DMD: variants seen among roughly 807,000 people sequenced by gnomAD.
DMD encodes dystrophin.
Under a neutral mutation model 330.1 loss-of-function variants are expected in DMD, and 63 were observed. The ratio of observed to expected loss-of-function variants is 0.19; its 90% CI spans 0.16 to 0.24. DMD has a LOEUF of 0.24. Among genes scored for constraint, DMD ranks in the 10% least tolerant of loss-of-function variants. The probability of loss-of-function intolerance (pLI) is 1.00; values close to 1 mark genes in which losing one functional copy is unlikely to be tolerated. For missense variants in DMD, 3,344 were observed against 2,684.1 expected, an observed-to-expected ratio of 1.25 and a Z score of -5.43; for synonymous variants, 1,223 against 959.8, an observed-to-expected ratio of 1.27 and a Z score of -5.07.
intron 51 of DMD, among the ~76,000 whole-genome samples, chrX:31,747,751 T>A (rs1211884771): frequency 8.9e-6 from 1 of 112,184 alleles, no homozygotes; most frequent in African/African-American, 3.2e-5. Context: ...GTACAATCAA[T>A]TCTTAAGTGG....
At position 32,463,527 on chromosome X, in the gene DMD, A is replaced by G. The variant is rs748123444; in HGVS notation, c.3344T>C (p.Ile1115Thr). 18 of 1,201,721 alleles carry G rather than the reference A, an allele frequency of 1.5e-5. No homozygotes were observed. Among genetic ancestry groups the G allele is most frequent in the Non-Finnish European group, 1.9e-5 (17 of 890,422 alleles). Residue 1115 changes from isoleucine (I) to threonine (T), a missense_variant, in exon 25 of 79, where the codon ATA (isoleucine) becomes ACA (threonine). Physicochemically the swap from Ile to Thr is moderately conservative, Grantham distance 89. Coordinates refer to ENST00000357033, the MANE Select transcript of DMD (RefSeq NM_004006.3). ...AAACTCTGGCTCTGCTTCATTCTTT[A>G]TCTTCTGCCCACCTTCATTGACACT... ...LNSVNEGGQK[I>T]KNEAEPEFAS...
chrX:31,660,645 T>A (rs755446872), intron 53 of DMD, among the ~76,000 whole-genome samples: 1 of 111,662 alleles, frequency 9.0e-6, no homozygotes, highest in East Asian at 2.8e-4. Context: ...AAAATACTTA[T>A]GATGGACCAG....
In DMD at chrX:32,903,081, C is replaced by T. The variant is rs776692452; in HGVS notation, c.94-53261G>A. 5.6e-5 allele frequency among the ~76,000 whole-genome samples: 5 copies of T among 89,266 alleles called. No individual in the cohort carries two copies. In the Admixed American group the frequency reaches 7.7e-4, roughly 14 times the overall value. 77.5% of individuals were successfully genotyped at this position (89,266 alleles called of 115,157 possible). A position where few individuals can be genotyped will look rare whatever the true frequency, so the allele number is the denominator to read the frequency against. The stretch of plus-strand genomic sequence containing the variant: ...CTGAGGCAAGAGAATCCCTTGAACC[C>T]GGGAGGCGGAGGTTGCAGCCCAGGT... On this transcript the variant is annotated intron_variant, in intron 2 of 78. Transcript: ENST00000357033.
intron 51 of DMD, among the ~76,000 whole-genome samples, chrX:31,760,942 A>ATTTTTTTT: frequency 1.2e-5 from 1 of 80,916 alleles, no homozygotes; most frequent in Admixed American, 1.5e-4. Flanking sequence ...CCTAGTTAGT[A>ATTTTTTTT]TTTTTTTTTT....
In DMD at chrX:31,206,079, A is replaced by G. The variant is rs1319290772; in HGVS notation, c.9649+503T>C. ...GGGTGGTACGTATCTATCCTTTAAG[A>G]AACAGCAAGCTATCTGTCTCTCAAA... On this transcript the variant is annotated intron_variant, in intron 66 of 78. Transcript: ENST00000357033. Among the ~76,000 whole-genome samples, 3 of 112,632 alleles carry G rather than the reference A, an allele frequency of 2.7e-5. No individual in the cohort carries two copies. In the Admixed American group the frequency reaches 2.8e-4, roughly 11 times the overall value.
At chrX:31,803,908 A>AG (rs1414561177) in intron 50 of DMD, among the ~76,000 whole-genome samples, 17 of 109,546 alleles carry the variant, frequency 1.6e-4, no homozygotes, top group Admixed American at 1.5e-3. Context: ...CATGTTGGTC[A>AG]GGCTGGTCTC....
intron 1 of DMD, among the ~76,000 whole-genome samples, chrX:33,324,121 T>C (rs1417468384): frequency 8.9e-6 from 1 of 111,770 alleles, no homozygotes; most frequent in Non-Finnish European, 1.9e-5. Flanking sequence ...TATCATGTTG[T>C]CTTGGGTTGC....
chrX:32,646,516 A>G (rs1017524575), intron 9 of DMD, among the ~76,000 whole-genome samples: 23 of 111,364 alleles, frequency 2.1e-4, no homozygotes, highest in African/African-American at 7.5e-4. Flanking sequence ...GGTTTTGTAA[A>G]GGAATCAAAA....
intron 30 of DMD, among the ~76,000 whole-genome samples, chrX:32,399,165 A>G (rs760317667): frequency 8.9e-6 from 1 of 112,247 alleles, no homozygotes; most frequent in African/African-American, 3.2e-5. Flanking sequence ...CCTCCAGAAC[A>G]TTGGTCTAGG....
At chrX:31,917,779 T>C (rs1338988448) in intron 47 of DMD, among the ~76,000 whole-genome samples, 1 of 112,597 alleles carries the variant, frequency 8.9e-6, no homozygotes, top group African/African-American at 3.2e-5. Flanking sequence ...CCAGAGCCCA[T>C]CCTGGCAACT....
chrX:31,987,516 T>C (rs907234013), intron 44 of DMD, among the ~76,000 whole-genome samples: 1 of 111,999 alleles, frequency 8.9e-6, no homozygotes, highest in African/African-American at 3.3e-5. Context: ...TCGATGTTTT[T>C]AGATTGTGCA....
Position 32,536,264 on chromosome X carries a change from C to CAAAAAAAAA in DMD, c.2168+8886_2168+8894dup, listed in dbSNP as rs1191335690. ...TGGCAACAGAGTGAGACTCCGTCTC[C>CAAAAAAAAA]AAAAAAAAAAAAAAAAAAAAAAAAC... On this transcript the variant is annotated intron_variant, in intron 17 of 78. Coordinates refer to ENST00000357033, the MANE Select transcript of DMD (RefSeq NM_004006.3). 1.5e-3 allele frequency among the ~76,000 whole-genome samples: 54 copies of CAAAAAAAAA among 36,347 alleles called. 6 individuals are homozygous for CAAAAAAAAA. The highest frequency in any genetic ancestry group is 5.8e-3 in the African/African-American group (49 of 8,379). 31.6% of individuals were successfully genotyped at this position (36,347 alleles called of 115,157 possible).
chrX:31,395,454 C>T (rs1340320614), intron 60 of DMD, among the ~76,000 whole-genome samples: 2 of 112,075 alleles, frequency 1.8e-5, no homozygotes, highest in Non-Finnish European at 3.8e-5. Context: ...AACTGAAGAC[C>T]GGCAGACACT....
chrX:31,507,212 C>T (rs1013582040), intron 56 of DMD, 69 bp downstream of exon 56: 4 of 1,083,364 alleles, frequency 3.7e-6, no homozygotes, highest in East Asian at 3.0e-5. Flanking sequence ...GTTACTTGTG[C>T]TAAGACAATG....
chrX:32,021,845 T>C (rs1046945452), intron 44 of DMD, among the ~76,000 whole-genome samples: 6 of 111,927 alleles, frequency 5.4e-5, no homozygotes, highest in Admixed American at 1.9e-4. Context: ...TCACATTATA[T>C]TTCCATTGGA....
intron 7 of DMD, among the ~76,000 whole-genome samples, chrX:32,750,327 G>T (rs113309674): frequency 0.059 from 6,566 of 111,237 alleles, 444 homozygotes; most frequent in African/African-American, 0.2. Flanking sequence ...CTGACAAAAG[G>T]GAGAAAAACT....
intron 60 of DMD, among the ~76,000 whole-genome samples, chrX:31,378,159 C>G (rs531566615): frequency 9.0e-6 from 1 of 111,567 alleles, no homozygotes; most frequent in Non-Finnish European, 1.9e-5. Flanking sequence ...TCTCTTCACA[C>G]GGACGCGCAT....
chrX:31,463,267 C>A lies in DMD; in HGVS notation c.8937+14839G>T, dbSNP rs899214879. Among the ~76,000 whole-genome samples the A allele has an allele frequency of 1.1e-4, 12 of 111,530 alleles. 1 individual carries two copies. Among genetic ancestry groups the A allele is most frequent in the African/African-American group, 2.9e-4 (9 of 30,749 alleles). The stretch of plus-strand genomic sequence containing the variant: ...AACCTGCAGTAAGTGTAAACTATAA[C>A]TAAAAATATTATTTTAACATGAAAA... On this transcript the variant is annotated intron_variant, in intron 59 of 78. Coordinates refer to ENST00000357033, the MANE Select transcript of DMD (RefSeq NM_004006.3).
intron 2 of DMD, among the ~76,000 whole-genome samples, chrX:32,934,558 C>T (rs184584927): frequency 6.9e-4 from 77 of 110,990 alleles, no homozygotes; most frequent in Non-Finnish European, 1.2e-3. Context: ...ACACTGGGCC[C>T]CAAGATCTAT....
Sources: gnomAD v4.1 joint callset for allele counts (sites outside exome capture counted in the v4.1 genomes callset) on GRCh38, gnomAD v4.1.1 for gene constraint, MANE v1.5 for transcripts, NCBI Gene and HGNC (gene_info 2026-07-23, HGNC 2026-07-21) for gene names.